The following QRICH1 variants were observed in gnomAD, a reference collection of about 807,000 sequenced individuals.
The protein encoded by QRICH1 is transcriptional regulator QRICH1.
A neutral mutation model predicts 87.1 loss-of-function variants in QRICH1; 16 were observed. That is an observed-to-expected ratio of 0.18 (90% CI 0.12 to 0.28). The LOEUF (loss-of-function observed/expected upper bound fraction) is 0.28. QRICH1 is among the 10% of genes least tolerant of loss of function. The probability of loss-of-function intolerance (pLI) is 1.00; values close to 1 mark genes in which losing one functional copy is unlikely to be tolerated. For missense variants in QRICH1, 647 were observed against 951.7 expected, an observed-to-expected ratio of 0.68 and a Z score of 4.21; for synonymous variants, 367 against 368.4, an observed-to-expected ratio of 1.00 and a Z score of 0.05.
intron 3 of QRICH1, among the ~76,000 whole-genome samples, chr3:49,048,495 A>C (rs981927885): frequency 4.0e-5 from 6 of 151,056 alleles, no homozygotes; most frequent in African/African-American, 1.5e-4. Flanking sequence ...AAAAAAAAAA[A>C]AAACCCACCC....
At chr3:49,064,407 G>GT (rs1185905465) in intron 2 of QRICH1, among the ~76,000 whole-genome samples, 2 of 151,512 alleles carry the variant, frequency 1.3e-5, no homozygotes, top group African/African-American at 4.8e-5. Context: ...ATGCCTGGCT[G>GT]TTTTTTTGTT....
At chr3:49,068,557 C>T (rs1414281673) in intron 2 of QRICH1, among the ~76,000 whole-genome samples, 1 of 151,146 alleles carries the variant, frequency 6.6e-6, no homozygotes, top group Non-Finnish European at 1.5e-5. Flanking sequence ...CCCAGGAAGT[C>T]CAGACTGCAG....
chr3:49,065,541 C>T (rs1445667633), intron 2 of QRICH1, among the ~76,000 whole-genome samples: 3 of 152,002 alleles, frequency 2.0e-5, no homozygotes, highest in Non-Finnish European at 4.4e-5. Context: ...TTATACATCA[C>T]ACATGGCCTC....
rs114640289 is a variant in QRICH1 at position 49,080,139 on chromosome 3, G to T, written c.-21-3101C>A. ...CTTCTGCTCAAAAGGGGACAAAGGA[G>T]AGATTATATGAGCAGCCATTAACAG... On this transcript the variant is annotated intron_variant, in intron 1 of 9. Coordinates refer to ENST00000395443, the MANE Select transcript of QRICH1 (RefSeq NM_198880.3). Among the ~76,000 whole-genome samples the T allele has an allele frequency of 3.1e-3, 467 of 152,100 alleles. 2 individuals carry two copies. Among genetic ancestry groups the T allele is most frequent in the African/African-American group, 0.011 (455 of 41,480 alleles).
chr3:49,044,488 C>T lies in QRICH1; in HGVS notation c.1688G>A (p.Gly563Glu). Residue 563 changes from glycine (G) to glutamate (E), a missense_variant, in exon 6 of 10, where the codon GGA becomes GAA. Around this residue, in one of 7 missense-constraint regions of QRICH1, gnomAD observed 187 missense variants for 309.5 expected, o/e 0.60. Transcript: ENST00000395443. ...LCIQKYLFEN[G>E]RVDDIFSDLY... ...ATCGGAGAAAATGTCATCTACCCTT[C>T]CATTTTCAAAAAGATACTAAAAGAA... The T allele has an allele frequency of 6.2e-7, 1 of 1,610,586 alleles. No individual in the cohort carries two copies. The highest frequency in any genetic ancestry group is 8.5e-7 in the Non-Finnish European group (1 of 1,177,942).
At chr3:49,071,147 C>G (rs1022115307) in intron 2 of QRICH1, among the ~76,000 whole-genome samples, 6 of 151,972 alleles carry the variant, frequency 3.9e-5, no homozygotes, top group Middle Eastern at 3.4e-3. Context: ...TCTCTGCAAG[C>G]TCCACCTCCC....
chr3:49,058,217 T>A (rs1184739134), intron 2 of QRICH1, among the ~76,000 whole-genome samples: 2 of 152,100 alleles, frequency 1.3e-5, no homozygotes, highest in African/African-American at 4.8e-5. Flanking sequence ...TGGCGCAATC[T>A]CAGCTCACTG....
At chr3:49,087,818 C>CAAAAAAGAAAAAAAAAA (rs2042195618) in intron 1 of QRICH1, among the ~76,000 whole-genome samples, 1 of 47,676 alleles carries the variant, frequency 2.1e-5, no homozygotes, top group African/African-American at 8.7e-5. Context: ...AGGTTCATCT[C>CAAAAAAGAAAAAAAAAA]AAAAAAAAAA....
intron 3 of QRICH1, among the ~76,000 whole-genome samples, chr3:49,053,181 T>C (rs537285160): frequency 1.3e-5 from 2 of 152,094 alleles, no homozygotes; most frequent in African/African-American, 2.4e-5. Flanking sequence ...GAATGTGTAA[T>C]AACATGCAAG....
At chr3:49,035,052 T>C (rs1237057550) in intron 6 of QRICH1, among the ~76,000 whole-genome samples, 1 of 152,198 alleles carries the variant, frequency 6.6e-6, no homozygotes, top group Admixed American at 6.5e-5. Context: ...TTTTGTCTAC[T>C]TTTCGGCTAT....
intron 6 of QRICH1, among the ~76,000 whole-genome samples, chr3:49,037,937 C>T (rs1407032693): frequency 6.6e-6 from 1 of 152,042 alleles, no homozygotes; most frequent in Non-Finnish European, 1.5e-5. Context: ...GATCAAGCCT[C>T]CGTCTCAAGA....
intron 1 of QRICH1, among the ~76,000 whole-genome samples, chr3:49,084,481 C>G (rs1048645444): frequency 3.3e-5 from 5 of 152,072 alleles, no homozygotes; most frequent in African/African-American, 1.2e-4. Context: ...ACTCAAACTC[C>G]TGACCTCAAG....
At chr3:49,051,167 G>C (rs2093368026) in intron 3 of QRICH1, among the ~76,000 whole-genome samples, 1 of 152,000 alleles carries the variant, frequency 6.6e-6, no homozygotes. Context: ...ATCTCTTCTT[G>C]GTGGCCTGTA....
At chr3:49,038,590 A>AT (rs2093290193) in intron 6 of QRICH1, among the ~76,000 whole-genome samples, 1 of 150,960 alleles carries the variant, frequency 6.6e-6, no homozygotes, top group East Asian at 2.0e-4. Context: ...AATTTTTGTA[A>AT]TTTTTTTAGT....
chr3:49,032,176 G>T lies in QRICH1; in HGVS notation c.2138+7C>A. On this transcript the variant is annotated splice_region_variant and intron_variant, in intron 9 of 9. Coordinates refer to ENST00000395443, the MANE Select transcript of QRICH1 (RefSeq NM_198880.3). ...CACATGGACAGCAAGTCACAATAAA[G>T]CCTCACCATTTGAAGAGGTAGAAAT... 6.2e-7 allele frequency: 1 copy of T among 1,601,738 alleles called. No homozygotes were observed. The highest frequency in any genetic ancestry group is 8.6e-7 in the Non-Finnish European group (1 of 1,168,718).
At chr3:49,035,920 A>AAC (rs2093272254) in intron 6 of QRICH1, among the ~76,000 whole-genome samples, 1 of 87,684 alleles carries the variant, frequency 1.1e-5, no homozygotes, top group Non-Finnish European at 2.4e-5. Context: ...ACAAAAAAAA[A>AAC]AAAAAAAACA....
chr3:49,064,924 G>A (rs957713288), intron 2 of QRICH1, among the ~76,000 whole-genome samples: 3 of 151,994 alleles, frequency 2.0e-5, no homozygotes, highest in Non-Finnish European at 2.9e-5. Context: ...GGCTGAGACA[G>A]GAGAACAGCC....
intron 1 of QRICH1, among the ~76,000 whole-genome samples, chr3:49,084,999 C>T (rs531220419): frequency 2.8e-5 from 4 of 143,418 alleles, no homozygotes; most frequent in South Asian, 2.3e-4. Flanking sequence ...AAAAATTAGC[C>T]GGGTGTGGTG....
intron 6 of QRICH1, among the ~76,000 whole-genome samples, chr3:49,042,607 T>G (rs1318412458): frequency 1.3e-5 from 2 of 151,588 alleles, no homozygotes; most frequent in African/African-American, 4.8e-5. Context: ...GGAGTCGCGC[T>G]CTGTCACCAG....
Sources: allele counts gnomAD v4.1 joint callset (sites outside exome capture counted in the v4.1 genomes callset), GRCh38; gene constraint gnomAD v4.1.1; regional missense constraint gnomAD v4.1.1; transcripts MANE v1.5; gene names NCBI Gene and HGNC (gene_info 2026-07-23, HGNC 2026-07-21).